SFSWAP: variants seen among roughly 807,000 people sequenced by gnomAD.
The protein encoded by SFSWAP is splicing factor SWAP.
A neutral mutation model predicts 100.7 loss-of-function variants in SFSWAP; 17 were observed. That is an observed-to-expected ratio of 0.17 (90% CI 0.12 to 0.25). The LOEUF is 0.25. SFSWAP is among the 10% of genes least tolerant of loss of function. SFSWAP has a pLI of 1.00. For synonymous variants in SFSWAP, 504 were observed against 510.1 expected (o/e 0.99, Z 0.16); for missense variants, 1,005 against 1,262.6 (o/e 0.80, Z 3.09).
chr12:131,777,910 CAAG>C (rs1884154761), intron 13 of SFSWAP, among the ~76,000 whole-genome samples, 152 bp from the exon 14 acceptor site: 1 of 152,114 alleles, frequency 6.6e-6, no homozygotes, highest in South Asian at 2.1e-4. Flanking sequence ...TGGGAGGTGA[CAAG>C]GAGGTCACTC....
intron 10 of SFSWAP, 87 bp from the exon 11 acceptor site, chr12:131,756,386 G>T: frequency 3.4e-6 from 4 of 1,184,896 alleles, no homozygotes; most frequent in Non-Finnish European, 3.6e-6. Context: ...CCGTTGTCCA[G>T]TGAAACATAT....
rs1467069095 is a variant in SFSWAP at position 131,725,337 on chromosome 12, T to C, written c.607-68T>C. 3 of 1,301,154 alleles carry C rather than the reference T, an allele frequency of 2.3e-6. No homozygotes were observed. The highest frequency in any genetic ancestry group is 3.4e-5 in the Admixed American group (2 of 59,130). The allele number at this position is 1,301,154 out of a possible 1,614,324, so 80.6% of individuals were successfully genotyped here. A position where few individuals can be genotyped will look rare whatever the true frequency, so the allele number is the denominator to read the frequency against. On this transcript the variant is annotated intron_variant, in intron 4 of 17. Transcript: ENST00000261674. This position sits in a 1 kb window ranked among gnomAD's most constrained non-coding sequence, Gnocchi z 4.3. ...TAAAACCAGAGTCATTTCTATGTTT[T>C]AATGAAATCACGTGGCCGGTGGACA... is the stretch of plus-strand genomic sequence containing the variant.
At chr12:131,779,610 C>T (rs552622063) in intron 14 of SFSWAP, among the ~76,000 whole-genome samples, 1 of 147,298 alleles carries the variant, frequency 6.8e-6, no homozygotes, top group Non-Finnish European at 1.5e-5. Flanking sequence ...TAACGCCGCA[C>T]TGACTGTGCT....
chr12:131,790,511 G>A (rs896683884), intron 15 of SFSWAP, among the ~76,000 whole-genome samples: 7 of 152,212 alleles, frequency 4.6e-5, no homozygotes, highest in African/African-American at 1.7e-4. Context: ...TCATAAAAGT[G>A]TTTTTCAGCC....
intron 15 of SFSWAP, among the ~76,000 whole-genome samples, chr12:131,789,537 C>T (rs974478034): frequency 6.6e-6 from 1 of 151,584 alleles, no homozygotes; most frequent in South Asian, 2.1e-4. Context: ...CCCTCTCTTT[C>T]AAAAAAAAGT....
At chr12:131,742,397 A>G (rs1880726455) in intron 7 of SFSWAP, among the ~76,000 whole-genome samples, 1 of 152,202 alleles carries the variant, frequency 6.6e-6, no homozygotes, top group Non-Finnish European at 1.5e-5. Context: ...GAAAATGGTA[A>G]GTTATGTTTA....
intron 14 of SFSWAP, chr12:131,783,489 A>G (rs1884646433): frequency 6.6e-6 from 1 of 152,004 alleles, no homozygotes; most frequent in African/African-American, 2.4e-5. Flanking sequence ...ATAGAGAGCT[A>G]TATGATAAAA....
intron 7 of SFSWAP, among the ~76,000 whole-genome samples, chr12:131,732,617 G>A (rs1276643987): frequency 2.0e-5 from 3 of 152,184 alleles, no homozygotes; most frequent in African/African-American, 4.8e-5. Context: ...CCTCGTCTCC[G>A]CCTAATGTAC....
At chr12:131,732,426 CTGATGAGCCT>C in intron 7 of SFSWAP, among the ~76,000 whole-genome samples, 1 of 152,160 alleles carries the variant, frequency 6.6e-6, no homozygotes, top group East Asian at 1.9e-4. Context: ...TGGGCTCTGT[CTGATGAGCCT>C]TTGTGAATGT....
At chr12:131,785,094 G>T (rs777643753) in intron 14 of SFSWAP, 2 of 1,535,480 alleles carry the variant, frequency 1.3e-6, no homozygotes, top group Admixed American at 3.9e-5. Context: ...CCCCAGGGAC[G>T]CTGCGCGCGG....
In SFSWAP at chr12:131,719,559, A is replaced by G; in HGVS notation, c.606+20A>G. On this transcript the variant is annotated intron_variant, in intron 4 of 17. Coordinates refer to ENST00000261674, the MANE Select transcript of SFSWAP (RefSeq NM_004592.4). ...GAGTTGGTATGTGTCCTGCATGAGC[A>G]CTAGTTGTCGTCATTATTATTTATC... 1 of 1,563,194 alleles carries G rather than the reference A, an allele frequency of 6.4e-7. No homozygotes were observed.
intron 10 of SFSWAP, among the ~76,000 whole-genome samples, chr12:131,755,896 G>A (rs952522389): frequency 9.9e-5 from 15 of 152,206 alleles, no homozygotes; most frequent in African/African-American, 3.4e-4. Context: ...CCTGCAGCAC[G>A]GCCTCTGCCT....
At position 131,711,374 on chromosome 12, in the gene SFSWAP, G is replaced by A; in HGVS notation, c.145G>A (p.Glu49Lys). The stretch of plus-strand genomic sequence containing the variant: ...TGCCTGCAAGCTGTTCCGGGACGAC[G>A]AGCGGGCCCTGGCTCAGGAACAGGG... ...GYACKLFRDD[E>K]RALAQEQGQH... Residue 49 changes from glutamate to lysine, a missense_variant, in exon 1 of 18, where the codon GAG (glutamate) becomes AAG (lysine). By Grantham distance (56) the Glu-to-Lys change is moderately conservative (BLOSUM62 1). This residue lies in a region of SFSWAP where 237 missense variants were observed against 337.0 expected (regional missense o/e 0.70). Transcript: ENST00000261674. This position sits in a 1 kb window ranked among gnomAD's most constrained non-coding sequence, Gnocchi z 4.9. The A allele has an allele frequency of 6.2e-7, 1 of 1,613,960 alleles. No individual in the cohort carries two copies. The highest frequency in any genetic ancestry group is 8.5e-7 in the Non-Finnish European group (1 of 1,180,030).
At chr12:131,777,053 T>C (rs1884080803) in intron 13 of SFSWAP, among the ~76,000 whole-genome samples, 1 of 152,224 alleles carries the variant, frequency 6.6e-6, no homozygotes, top group Non-Finnish European at 1.5e-5. Context: ...GTCAGAGTAG[T>C]GCCGATACTC....
intron 7 of SFSWAP, among the ~76,000 whole-genome samples, chr12:131,739,316 C>A (rs1566018346): frequency 6.6e-6 from 1 of 152,110 alleles, no homozygotes; most frequent in Non-Finnish European, 1.5e-5. Context: ...CCTTCTGAAA[C>A]ATTGTGTCAA....
chr12:131,790,193 C>T (rs1469955043), intron 15 of SFSWAP, among the ~76,000 whole-genome samples: 1 of 152,156 alleles, frequency 6.6e-6, no homozygotes, highest in Non-Finnish European at 1.5e-5. Context: ...TAATCCATTG[C>T]TATTATTATT....
intron 3 of SFSWAP, among the ~76,000 whole-genome samples, chr12:131,715,832 A>G (rs760243729): frequency 2.0e-5 from 3 of 152,230 alleles, no homozygotes; most frequent in Non-Finnish European, 4.4e-5. Context: ...CTTAAGTAAC[A>G]CTTTTTATCT....
chr12:131,742,767 C>T (rs1880771177), intron 7 of SFSWAP, among the ~76,000 whole-genome samples: 1 of 152,020 alleles, frequency 6.6e-6, no homozygotes, highest in Non-Finnish European at 1.5e-5. Flanking sequence ...CATTGGAAAC[C>T]ATTCTGTGTT....
In SFSWAP at chr12:131,732,950, G is replaced by A. The variant is rs141058980; in HGVS notation, c.1081+4522G>A. Among the ~76,000 whole-genome samples, 702 of 152,308 alleles carry A rather than the reference G, an allele frequency of 4.6e-3. 9 individuals are homozygous for A. Among genetic ancestry groups the A allele is most frequent in the African/African-American group, 0.016 (665 of 41,566 alleles). Reference sequence around the variant, plus strand: ...GGCCCCGTGGGGTCTGGAAAAGGGCGGGGCTAGTGTCCTTGGAGCACGTCA... The same window carrying A: ...GGCCCCGTGGGGTCTGGAAAAGGGCAGGGCTAGTGTCCTTGGAGCACGTCA... On this transcript the variant is annotated intron_variant, in intron 7 of 17. Coordinates refer to ENST00000261674, the MANE Select transcript of SFSWAP (RefSeq NM_004592.4).
Sources: gnomAD v4.1 joint callset for allele counts (sites outside exome capture counted in the v4.1 genomes callset) on GRCh38, gnomAD v4.1.1 for gene constraint, gnomAD v4.1.1 regional missense constraint, Gnocchi (gnomAD v3.1) non-coding constraint, MANE v1.5 for transcripts, NCBI Gene and HGNC (gene_info 2026-07-23, HGNC 2026-07-21) for gene names.